Variants in EPS15L1 observed in about 807,000 individuals in gnomAD.
EPS15L1 encodes the protein epidermal growth factor receptor substrate 15-like 1.
A neutral mutation model predicts 117.1 loss-of-function variants in EPS15L1; 43 were observed. The observed-to-expected ratio is 0.37, with a 90% CI of 0.29 to 0.47. The LOEUF is 0.47. Among genes scored for constraint, EPS15L1 ranks in the 20% least tolerant of loss-of-function variants. The pLI, the probability that EPS15L1 is intolerant of heterozygous loss-of-function variation, is 0.99. For missense variants in EPS15L1, 981 were observed against 1,164.0 expected, an observed-to-expected ratio of 0.84 and a Z score of 2.29; for synonymous variants, 459 against 470.5, an observed-to-expected ratio of 0.98 and a Z score of 0.32.
At chr19:16,465,520 A>C (rs1312122708) in intron 1 of EPS15L1, among the ~76,000 whole-genome samples, 1 of 152,086 alleles carries the variant, frequency 6.6e-6, no homozygotes, top group Non-Finnish European at 1.5e-5. Flanking sequence ...CTGTCTCTAC[A>C]AAAAAATTAA....
In EPS15L1 at chr19:16,402,492, A is replaced by C; in HGVS notation, c.1627-7T>G. On this transcript the variant is annotated splice_polypyrimidine_tract_variant and splice_region_variant and intron_variant, in intron 15 of 23. Coordinates refer to ENST00000455140, the MANE Select transcript of EPS15L1 (RefSeq NM_001258374.3). ...GGGAAAGTTTGCTCCTTGCCTGTGC[A>C]ACAAAGACATCATCAGCATTAAGCA... The C allele has an allele frequency of 1.9e-6, 3 of 1,582,128 alleles. No individual in the cohort carries two copies. Among genetic ancestry groups the C allele is most frequent in the Non-Finnish European group, 2.6e-6 (3 of 1,165,472 alleles).
chr19:16,371,199 C>T lies in EPS15L1; in HGVS notation c.2380+5923G>A, dbSNP rs987395513. Among the ~76,000 whole-genome samples, 2 of 152,052 alleles carry T rather than the reference C, an allele frequency of 1.3e-5. No individual in the cohort carries two copies. Among genetic ancestry groups the T allele is most frequent in the African/African-American group, 4.8e-5 (2 of 41,380 alleles). ...GGGAGAGGTCACTGAGCCCTGGTTT[C>T]GATGTTGGCCTGGCATTTCAGAGAA... On this transcript the variant is annotated intron_variant, in intron 22 of 23. Coordinates refer to ENST00000455140, the MANE Select transcript of EPS15L1 (RefSeq NM_001258374.3). This position sits in a 1 kb window ranked among gnomAD's most constrained non-coding sequence, Gnocchi z 4.7.
In EPS15L1 at chr19:16,365,060, C is replaced by T. The variant is rs2092114835; in HGVS notation, c.2381-3076G>A. On this transcript the variant is annotated intron_variant, in intron 22 of 23. Coordinates refer to ENST00000455140, the MANE Select transcript of EPS15L1 (RefSeq NM_001258374.3). This position sits in a 1 kb window ranked among gnomAD's most constrained non-coding sequence, Gnocchi z 4.9. ...TTCCTGGCTATGCCTTGTCCCTCTG[C>T]CTGGAAGGCACTCCCAACTGGAATG... 6.6e-6 allele frequency among the ~76,000 whole-genome samples: 1 copy of T among 152,232 alleles called. No homozygotes were observed. Among genetic ancestry groups the T allele is most frequent in the African/African-American group, 2.4e-5 (1 of 41,466 alleles).
intron 1 of EPS15L1, among the ~76,000 whole-genome samples, chr19:16,464,509 C>T (rs1026404108): frequency 9.2e-5 from 14 of 152,232 alleles, no homozygotes; most frequent in Non-Finnish European, 1.9e-4. Context: ...AAAAGACCTT[C>T]CTCCTCTCAT....
intron 8 of EPS15L1, among the ~76,000 whole-genome samples, chr19:16,425,662 G>A (rs527812582): frequency 6.6e-6 from 1 of 152,290 alleles, no homozygotes; most frequent in African/African-American, 2.4e-5. Context: ...AGAGAGACCT[G>A]TACTTCAAGA....
chr19:16,397,334 C>T (rs902677297), intron 16 of EPS15L1, among the ~76,000 whole-genome samples: 8 of 152,184 alleles, frequency 5.3e-5, no homozygotes, highest in Non-Finnish European at 1.2e-4. Context: ...AAGTAATCCA[C>T]CCCCCTCGGC....
chr19:16,388,713 A>G (rs934577839), intron 19 of EPS15L1, among the ~76,000 whole-genome samples: 1 of 152,004 alleles, frequency 6.6e-6, no homozygotes, highest in African/African-American at 2.4e-5. Flanking sequence ...TGTAGTCCCA[A>G]CTACTCGAGA....
chr19:16,392,323 T>C lies in EPS15L1; in HGVS notation c.2084A>G (p.Asn695Ser), dbSNP rs1485388480. 1.2e-6 allele frequency: 2 copies of C among 1,613,916 alleles called. No individual in the cohort carries two copies. Among genetic ancestry groups the C allele is most frequent in the Admixed American group, 1.7e-5 (1 of 60,012 alleles). The part of the protein sequence containing the change: ...DPFTSDPFTK[N>S]PSLPSKLDPF... ...ACTCACCTTCGAAGGTAAGGAAGGG[T>C]TTTTCGTGAATGGATCCGAGGTAAA... Residue 695 changes from asparagine (N) to serine (S), a missense_variant, in exon 19 of 24, where the codon AAC becomes AGC. Around this residue, in one of 5 missense-constraint regions of EPS15L1, gnomAD observed 819 missense variants for 949.0 expected, o/e 0.86. Coordinates refer to ENST00000455140, the MANE Select transcript of EPS15L1 (RefSeq NM_001258374.3).
intron 10 of EPS15L1, among the ~76,000 whole-genome samples, chr19:16,419,529 T>C (rs1181579299): frequency 6.6e-6 from 1 of 151,872 alleles, no homozygotes; most frequent in Non-Finnish European, 1.5e-5. Flanking sequence ...GACAAGGCCT[T>C]TGGCATCTAT....
At chr19:16,385,616 AG>A (rs2092412247) in intron 20 of EPS15L1, among the ~76,000 whole-genome samples, 1 of 152,162 alleles carries the variant, frequency 6.6e-6, no homozygotes, top group Non-Finnish European at 1.5e-5. Flanking sequence ...CTAACCTGGA[AG>A]GGATTTGCCT....
intron 10 of EPS15L1, among the ~76,000 whole-genome samples, chr19:16,418,389 G>A (rs2092781364): frequency 6.6e-6 from 1 of 152,204 alleles, no homozygotes; most frequent in South Asian, 2.1e-4. Context: ...CACTAGGGCT[G>A]AGATGCAGCT....
In EPS15L1 at chr19:16,386,236, A is replaced by G. The variant is rs372925875; in HGVS notation, c.2104-5T>C. 3.8e-4 allele frequency: 619 copies of G among 1,609,940 alleles called. 4 individuals are homozygous for G. The highest frequency in any genetic ancestry group is 3.6e-3 in the Middle Eastern group (22 of 6,058). Reference sequence around the variant, plus strand: ...ACTGGATTCAAAGGGGTCGAGCTAAATGAAAGGAGAGAGGAAAGAGTAAAA... The same window carrying G: ...ACTGGATTCAAAGGGGTCGAGCTAAGTGAAAGGAGAGAGGAAAGAGTAAAA... On this transcript the variant is annotated splice_polypyrimidine_tract_variant and splice_region_variant and intron_variant, in intron 19 of 23. Coordinates refer to ENST00000455140, the MANE Select transcript of EPS15L1 (RefSeq NM_001258374.3).
chr19:16,451,986 A>G (rs1429515510), intron 1 of EPS15L1, among the ~76,000 whole-genome samples: 2 of 151,608 alleles, frequency 1.3e-5, no homozygotes, highest in Non-Finnish European at 2.9e-5. Context: ...AAAATACAAA[A>G]AAATTAGCTG....
intron 3 of EPS15L1, 28 bp downstream of exon 3, chr19:16,441,864 A>C: frequency 1.3e-6 from 2 of 1,577,862 alleles, no homozygotes; most frequent in African/African-American, 1.3e-5. Context: ...CAGCCACAGA[A>C]GAGAAATCAC....
chr19:16,372,182 C>T (rs2144678194), intron 22 of EPS15L1, among the ~76,000 whole-genome samples: 1 of 152,286 alleles, frequency 6.6e-6, no homozygotes, highest in Middle Eastern at 3.4e-3. Context: ...GGCAGATGGC[C>T]AACTGTGGGC....
At chr19:16,403,675 C>G in intron 15 of EPS15L1, 58 bp downstream of exon 15, 1 of 1,512,688 alleles carries the variant, frequency 6.6e-7, no homozygotes, top group Non-Finnish European at 9.1e-7. Flanking sequence ...GTGGCAGCCT[C>G]GGCTCTTGGG....
chr19:16,373,243 T>C (rs2092249594), intron 22 of EPS15L1, among the ~76,000 whole-genome samples: 1 of 151,962 alleles, frequency 6.6e-6, no homozygotes, highest in African/African-American at 2.4e-5. Flanking sequence ...GGGGGTCGCA[T>C]TTCACCTTCC....
At chr19:16,390,280 T>C (rs2144763574) in intron 19 of EPS15L1, among the ~76,000 whole-genome samples, 1 of 152,338 alleles carries the variant, frequency 6.6e-6, no homozygotes, top group East Asian at 1.9e-4. Flanking sequence ...GAATCTTTTA[T>C]AATGATAAAA....
chr19:16,405,972 C>A lies in EPS15L1; in HGVS notation c.1267-1223G>T, dbSNP rs1404548478. The stretch of plus-strand genomic sequence containing the variant: ...CATCAGGACGCAGGAACTGCAGGGG[C>A]CTCGGGTGGGGTCCAGGGAGAGGCA... On this transcript the variant is annotated intron_variant, in intron 13 of 23. Coordinates refer to ENST00000455140, the MANE Select transcript of EPS15L1 (RefSeq NM_001258374.3). The surrounding 1 kb of genome is among the most constrained non-coding windows in gnomAD (Gnocchi z 4.0). Among the ~76,000 whole-genome samples the A allele has an allele frequency of 1.3e-5, 2 of 152,180 alleles. No individual in the cohort carries two copies. Among genetic ancestry groups the A allele is most frequent in the East Asian group, 3.8e-4 (2 of 5,198 alleles).
Sources: allele counts gnomAD v4.1 joint callset (sites outside exome capture counted in the v4.1 genomes callset), GRCh38; gene constraint gnomAD v4.1.1; regional missense constraint gnomAD v4.1.1; non-coding constraint Gnocchi (gnomAD v3.1); transcripts MANE v1.5; gene names NCBI Gene and HGNC (gene_info 2026-07-23, HGNC 2026-07-21).